SP3: variants seen among roughly 807,000 people sequenced by gnomAD.
SP3 encodes the protein Sp3 transcription factor.
A neutral mutation model predicts 70.3 loss-of-function variants in SP3; 10 were observed. The observed-to-expected ratio is 0.14, with a 90% CI of 0.09 to 0.24. The LOEUF (loss-of-function observed/expected upper bound fraction) is 0.24, where lower values mean the gene tolerates loss of function less well. SP3 is among the 10% of genes least tolerant of loss of function. The probability of loss-of-function intolerance (pLI) is 1.00; values close to 1 mark genes in which losing one functional copy is unlikely to be tolerated. For synonymous variants in SP3, 402 were observed against 333.5 expected, an observed-to-expected ratio of 1.21 and a Z score of -2.24; for missense variants, 825 against 914.6, an observed-to-expected ratio of 0.90 and a Z score of 1.26.
intron 6 of SP3, among the ~76,000 whole-genome samples, chr2:173,911,866 T>A (rs1479124976): frequency 2.1e-5 from 3 of 139,704 alleles, no homozygotes; most frequent in Admixed American, 7.8e-5. Context: ...TCACCCAGGC[T>A]GCAGTACAGT....
chr2:173,945,413 C>G lies in SP3; in HGVS notation c.1639+9460G>C, dbSNP rs531015310. 2.0e-5 allele frequency among the ~76,000 whole-genome samples: 3 copies of G among 152,108 alleles called. No individual in the cohort carries two copies. In the South Asian group the frequency reaches 6.2e-4, roughly 32 times the overall value. On this transcript the variant is annotated intron_variant, in intron 4 of 6. Coordinates refer to ENST00000310015, the MANE Select transcript of SP3 (RefSeq NM_003111.5). ...AAGTCTAGTAAGAACTTATGTATAC[C>G]TCAACTCAACATGACTAAACCTGAA... is the stretch of plus-strand genomic sequence containing the variant.
chr2:173,943,754 A>G (rs1281975197), intron 4 of SP3, among the ~76,000 whole-genome samples: 1 of 152,260 alleles, frequency 6.6e-6, no homozygotes, highest in Non-Finnish European at 1.5e-5. Flanking sequence ...TGCAAAGAAC[A>G]TTACCTAGAA....
At chr2:173,944,028 G>A (rs1202032103) in intron 4 of SP3, among the ~76,000 whole-genome samples, 3 of 152,162 alleles carry the variant, frequency 2.0e-5, no homozygotes, top group East Asian at 1.9e-4. Context: ...AAAAGGAATC[G>A]TAAAAGTCTT....
intron 6 of SP3, 151 bp from the exon 7 acceptor site, chr2:173,910,408 G>A: frequency 1.7e-6 from 1 of 604,876 alleles, no homozygotes; most frequent in Non-Finnish European, 2.9e-6. Flanking sequence ...AGCTACCCCT[G>A]CCAGATTTCT....
intron 1 of SP3, 135 bp from the exon 2 acceptor site, chr2:173,964,688 C>T (rs1169602280): frequency 7.8e-6 from 3 of 384,122 alleles, no homozygotes; most frequent in Non-Finnish European, 1.4e-5. Context: ...CGCCCCCCGG[C>T]GGCGGCGGCG....
intron 4 of SP3, among the ~76,000 whole-genome samples, chr2:173,929,874 G>A (rs1474506401): frequency 6.6e-6 from 1 of 152,152 alleles, no homozygotes; most frequent in Non-Finnish European, 1.5e-5. Context: ...TCAGACTTTT[G>A]TCTATGCCTC....
rs1262017673 is a variant in SP3 at position 173,909,697 on chromosome 2, T to G, written c.*244A>C. On this transcript the variant is annotated 3_prime_UTR_variant, in exon 7 of 7. Coordinates refer to ENST00000310015, the MANE Select transcript of SP3 (RefSeq NM_003111.5). Reference sequence around the variant, plus strand: ...TGTTAAATTCAATTTTCTCTTTATATAACTTGGTAAAATTTCATTTCTTCT... The same window carrying G: ...TGTTAAATTCAATTTTCTCTTTATAGAACTTGGTAAAATTTCATTTCTTCT... The G allele has an allele frequency of 8.5e-6, 3 of 353,250 alleles. No individual in the cohort carries two copies. Among genetic ancestry groups the G allele is most frequent in the Non-Finnish European group, 1.0e-5 (2 of 192,672 alleles). The allele number at this position is 353,250 out of a possible 1,614,324, so 21.9% of individuals were successfully genotyped here. A position where few individuals can be genotyped will look rare whatever the true frequency, so the allele number is the denominator to read the frequency against.
At chr2:173,941,142 A>C (rs1288121567) in intron 4 of SP3, among the ~76,000 whole-genome samples, 1 of 151,918 alleles carries the variant, frequency 6.6e-6, no homozygotes, top group Non-Finnish European at 1.5e-5. Context: ...AAAAAAAAAA[A>C]AAAAAAGTCT....
intron 4 of SP3, among the ~76,000 whole-genome samples, chr2:173,937,690 TCA>T (rs1690245015): frequency 6.6e-6 from 1 of 152,146 alleles, no homozygotes; most frequent in Admixed American, 6.5e-5. Flanking sequence ...AGGCTAAAAC[TCA>T]CATTCTCAAA....
chr2:173,963,932 C>T (rs769679785), intron 2 of SP3, 49 bp from the exon 3 acceptor site: 7 of 1,302,304 alleles, frequency 5.4e-6, no homozygotes, highest in South Asian at 4.7e-5. Flanking sequence ...GAGGGGGTGG[C>T]GGTTAGGGTC....
rs568710151 is a variant in SP3, at chr2:173,919,072, T to C, written c.1640-287A>G. Among the ~76,000 whole-genome samples, 9 of 152,284 alleles carry C rather than the reference T, an allele frequency of 5.9e-5. No individual in the cohort carries two copies. The South Asian group carries it at 1.9e-3, about 32-fold the overall frequency. On this transcript the variant is annotated intron_variant, in intron 4 of 6. Coordinates refer to ENST00000310015, the MANE Select transcript of SP3 (RefSeq NM_003111.5). Reference sequence around the variant, plus strand: ...CACTCAAAGTTCTCGGAAAATACAATCTCCCTAAATGAACAAGTCTTCTGT... The same window carrying C: ...CACTCAAAGTTCTCGGAAAATACAACCTCCCTAAATGAACAAGTCTTCTGT...
At chr2:173,947,431 C>T (rs1690577440) in intron 4 of SP3, among the ~76,000 whole-genome samples, 1 of 152,102 alleles carries the variant, frequency 6.6e-6, no homozygotes, top group African/African-American at 2.4e-5. Context: ...TAAGAAAAAG[C>T]ACTACCAGTT....
In SP3 at chr2:173,904,690, T is replaced by C. The variant is rs1370378210; in HGVS notation, c.*5251A>G. 1.3e-5 allele frequency among the ~76,000 whole-genome samples: 2 copies of C among 152,236 alleles called. No homozygotes were observed. Among genetic ancestry groups the C allele is most frequent in the Non-Finnish European group, 2.9e-5 (2 of 68,046 alleles). On this transcript the variant is annotated 3_prime_UTR_variant, in exon 7 of 7. Coordinates refer to ENST00000310015, the MANE Select transcript of SP3 (RefSeq NM_003111.5). Reference sequence around the variant, plus strand: ...TAATTGGCTCAACTTTGACCAGATGTCCACTCCTTGTCTGATTTCTGAACA... The same window carrying C: ...TAATTGGCTCAACTTTGACCAGATGCCCACTCCTTGTCTGATTTCTGAACA...
rs557546370 is a variant in SP3, at chr2:173,963,653, G to C, written c.279+108C>G. On this transcript the variant is annotated intron_variant, in intron 3 of 6. Transcript: ENST00000310015. The stretch of plus-strand genomic sequence containing the variant: ...CGCCCTGGAGCCCAGCGGCCCGTGC[G>C]GGTCGGGGGAAGCGCGGGCGCCGGG... 2.1e-5 allele frequency: 5 copies of C among 236,816 alleles called. No homozygotes were observed. The Admixed American group carries it at 3.2e-4, about 15-fold the overall frequency. 14.7% of individuals were successfully genotyped at this position (236,816 alleles called of 1,614,324 possible). A position where few individuals can be genotyped will look rare whatever the true frequency, so the allele number is the denominator to read the frequency against.
At chr2:173,957,465 A>G (rs1690933102) in intron 3 of SP3, among the ~76,000 whole-genome samples, 1 of 152,210 alleles carries the variant, frequency 6.6e-6, no homozygotes, top group Admixed American at 6.5e-5. Context: ...CAGTTAAAAA[A>G]GAGGCACTAA....
In SP3 at chr2:173,907,690, T is replaced by TG. The variant is rs1559086708; in HGVS notation, c.*2250_*2251insC. On this transcript the variant is annotated 3_prime_UTR_variant, in exon 7 of 7. Coordinates refer to ENST00000310015, the MANE Select transcript of SP3 (RefSeq NM_003111.5). ...GGTTTAATCTGACTTAATGGGCAGT[T>TG]TGCTCAAGTGAACCACCTGCTGCTC... 1 of 152,136 alleles carries TG rather than the reference T, an allele frequency of 6.6e-6. No homozygotes were observed. Among genetic ancestry groups the TG allele is most frequent in the African/African-American group, 2.4e-5 (1 of 41,454 alleles). 9.4% of individuals were successfully genotyped at this position (152,136 alleles called of 1,614,324 possible).
rs1197802412 is a variant in SP3, at chr2:173,955,768, A to C, written c.744T>G (p.Gly248=). 1 of 1,614,094 alleles carries C rather than the reference A, an allele frequency of 6.2e-7. No individual in the cohort carries two copies. Among genetic ancestry groups the C allele is most frequent in the Non-Finnish European group, 8.5e-7 (1 of 1,180,042 alleles). ...GVAIGGSSFP[G]QTQVVANVPL... ...GCACATTAGCAACTACTTGGGTTTG[A>C]CCAGGAAAAGATGAACCACCAATTG... The change falls in exon 4 of 7, where the codon GGT becomes GGG. Residue 248 remains glycine, a synonymous_variant. Coordinates refer to ENST00000310015, the MANE Select transcript of SP3 (RefSeq NM_003111.5).
chr2:173,937,272 T>C (rs6755295), intron 4 of SP3, among the ~76,000 whole-genome samples: 10,866 of 152,242 alleles, frequency 0.071, 458 homozygotes, highest in African/African-American at 0.11. Context: ...CCCCTTCATA[T>C]GCAAGAAAAA....
rs1222746390 is a variant in SP3 at position 173,906,495 on chromosome 2, T to G, written c.*3446A>C. 2 of 152,212 alleles carry G rather than the reference T, an allele frequency of 1.3e-5. No individual in the cohort carries two copies. Among genetic ancestry groups the G allele is most frequent in the Non-Finnish European group, 2.9e-5 (2 of 68,034 alleles). The allele number at this position is 152,212 out of a possible 1,614,324, so 9.4% of individuals were successfully genotyped here. On this transcript the variant is annotated 3_prime_UTR_variant, in exon 7 of 7. Coordinates refer to ENST00000310015, the MANE Select transcript of SP3 (RefSeq NM_003111.5). ...CATACTGTTTAGTGAAAAATAATTCTTTTACAACAAAAACGATTGTTACCA... is the reference window on the plus strand; with the variant it reads ...CATACTGTTTAGTGAAAAATAATTCGTTTACAACAAAAACGATTGTTACCA...
Sources: gnomAD v4.1 joint callset for allele counts (sites outside exome capture counted in the v4.1 genomes callset) on GRCh38, gnomAD v4.1.1 for gene constraint, MANE v1.5 for transcripts, NCBI Gene and HGNC (gene_info 2026-07-23, HGNC 2026-07-21) for gene names.